Variants in AIRE observed in about 807,000 individuals in gnomAD.
AIRE encodes autoimmune regulator.
A neutral mutation model predicts 62.1 loss-of-function variants in AIRE; 52 were observed. The observed-to-expected ratio is 0.84, with a 90% CI of 0.67 to 1.06. The LOEUF (loss-of-function observed/expected upper bound fraction) is 1.06. AIRE is among the 50% of genes least tolerant of loss of function. The pLI is 0.00. For missense variants in AIRE, 774 were observed against 755.8 expected (o/e 1.02, Z -0.28); for synonymous variants, 342 against 321.6 (o/e 1.06, Z -0.68).
Position 44,294,349 on chromosome 21 carries a change from G to GGC in AIRE, c.1401-52_1401-51insGC. 2.3e-6 allele frequency: 3 copies of GGC among 1,287,540 alleles called. No individual in the cohort carries two copies. The African/African-American group carries it at 4.5e-5, about 19-fold the overall frequency. The allele number at this position is 1,287,540 out of a possible 1,614,324, so 79.8% of individuals were successfully genotyped here. On this transcript the variant is annotated intron_variant, in intron 11 of 13. Coordinates refer to ENST00000291582, the MANE Select transcript of AIRE (RefSeq NM_000383.4). ...ACACCCCACACCCCATACCCCGGAG[G>GGC]TGGCACTCCTGCTCCCCCCCAGGGC... is the stretch of plus-strand genomic sequence containing the variant.
chr21:44,286,480 C>A lies in AIRE; in HGVS notation c.133-77C>A. On this transcript the variant is annotated intron_variant, in intron 1 of 13. Transcript: ENST00000291582. The surrounding 1 kb of genome is among the most constrained non-coding windows in gnomAD (Gnocchi z 6.0). ...AGCGCCTCTGCCTGGGAGCTCCACCCTCTAGTCATGATGGAGATGGGCAGG... is the reference window on the plus strand; with the variant it reads ...AGCGCCTCTGCCTGGGAGCTCCACCATCTAGTCATGATGGAGATGGGCAGG... 6.7e-7 allele frequency: 1 copy of A among 1,485,368 alleles called. No homozygotes were observed. 92.0% of individuals were successfully genotyped at this position (1,485,368 alleles called of 1,614,324 possible).
chr21:44,293,962 C>A (rs1280366990), intron 11 of AIRE, 52 bp downstream of exon 11: 8 of 1,575,452 alleles, frequency 5.1e-6, no homozygotes, highest in Non-Finnish European at 6.8e-6. Flanking sequence ...ACACCCTACA[C>A]CCCACCCCAC....
chr21:44,289,488 C>CTCGGTGGTCGCCGTGT, intron 5 of AIRE, 169 bp from the exon 6 acceptor site: 1 of 832,430 alleles, frequency 1.2e-6, no homozygotes, highest in Non-Finnish European at 1.9e-6. Flanking sequence ...TGGTGTAGAT[C>CTCGGTGGTCGCCGTGT]CAGGACAATC....
rs75809937 is a variant in AIRE, at chr21:44,288,690, G to A, written c.652+232G>A. ...GCGGTCCAGGCCCACATCCCCACCC[G>A]GGATGTACAGCACTCCCCAGTCACC... On this transcript the variant is annotated intron_variant, in intron 5 of 13. Coordinates refer to ENST00000291582, the MANE Select transcript of AIRE (RefSeq NM_000383.4). 3.9e-3 allele frequency: 2,084 copies of A among 541,260 alleles called. 14 individuals are homozygous for A. Among genetic ancestry groups the A allele is most frequent in the Non-Finnish European group, 5.6e-3 (1,670 of 300,006 alleles). 33.5% of individuals were successfully genotyped at this position (541,260 alleles called of 1,614,324 possible). A position where few individuals can be genotyped will look rare whatever the true frequency, so the allele number is the denominator to read the frequency against.
rs977198433 is a variant in AIRE at position 44,290,190 on chromosome 21, A to G, written c.879+122A>G. 11 of 1,527,006 alleles carry G rather than the reference A, an allele frequency of 7.2e-6. No individual in the cohort carries two copies. In the African/African-American group the frequency reaches 1.5e-4, roughly 21 times the overall value. 94.6% of individuals were successfully genotyped at this position (1,527,006 alleles called of 1,614,324 possible). The stretch of plus-strand genomic sequence containing the variant: ...CACCGGGGCCTGAGCCCCTACCCAC[A>G]GGGTACAGCTCTTTTTCTTTAATAG... On this transcript the variant is annotated intron_variant, in intron 7 of 13. Coordinates refer to ENST00000291582, the MANE Select transcript of AIRE (RefSeq NM_000383.4).
rs767340745 is a variant in AIRE at position 44,290,002 on chromosome 21, T to C, written c.813T>C (p.Ala271=). The change falls in exon 7 of 14, where the codon GCT becomes GCC. Residue 271 remains alanine, a synonymous_variant. Coordinates refer to ENST00000291582, the MANE Select transcript of AIRE (RefSeq NM_000383.4). The part of the protein sequence containing the change: ...AQGAAPGGGE[A]RLGQQGSVPA... ...CTTCCTTGCAGGGTGGAGGTGAGGC[T>C]AGGCTGGGCCAGCAGGGCAGCGTTC... The C allele has an allele frequency of 6.2e-7, 1 of 1,610,974 alleles. No individual in the cohort carries two copies. The highest frequency in any genetic ancestry group is 1.7e-5 in the Admixed American group (1 of 59,794).
At position 44,286,894 on chromosome 21, in the gene AIRE, G is replaced by T; in HGVS notation, c.308-84G>T. 5 of 1,599,074 alleles carry T rather than the reference G, an allele frequency of 3.1e-6. No homozygotes were observed. Among genetic ancestry groups the T allele is most frequent in the Non-Finnish European group, 4.3e-6 (5 of 1,169,058 alleles). The stretch of plus-strand genomic sequence containing the variant: ...CAAAGGGGCCAGGCCTCACCTGTCT[G>T]GCCAAGGTGTCCAGTTCTGGGGCCC... On this transcript the variant is annotated intron_variant, in intron 2 of 13. Coordinates refer to ENST00000291582, the MANE Select transcript of AIRE (RefSeq NM_000383.4). This position sits in a 1 kb window ranked among gnomAD's most constrained non-coding sequence, Gnocchi z 6.0.
At chr21:44,290,200 T>A in intron 7 of AIRE, 132 bp downstream of exon 7, 12 of 1,505,114 alleles carry the variant, frequency 8.0e-6, no homozygotes, top group Non-Finnish European at 1.1e-5. Context: ...AGGGTACAGC[T>A]CTTTTTCTTT....
Position 44,290,782 on chromosome 21 carries a change from C to T in AIRE, c.880-313C>T, listed in dbSNP as rs202000638. On this transcript the variant is annotated intron_variant, in intron 7 of 13. Transcript: ENST00000291582. Reference sequence around the variant, plus strand: ...CGGGAGAGACCTCCCTGGGCCTGGCCCCACTGCCCTGTGAGGAAGGGTTCA... The same window carrying T: ...CGGGAGAGACCTCCCTGGGCCTGGCTCCACTGCCCTGTGAGGAAGGGTTCA... 183 of 1,487,750 alleles carry T rather than the reference C, an allele frequency of 1.2e-4. No individual in the cohort carries two copies. The East Asian group carries it at 4.9e-3, about 40-fold the overall frequency. 92.2% of individuals were successfully genotyped at this position (1,487,750 alleles called of 1,614,324 possible). A position where few individuals can be genotyped will look rare whatever the true frequency, so the allele number is the denominator to read the frequency against.
intron 9 of AIRE, among the ~76,000 whole-genome samples, 190 bp from the exon 10 acceptor site, chr21:44,292,803 A>T (rs2040556468): frequency 6.6e-6 from 1 of 152,054 alleles, no homozygotes; most frequent in African/African-American, 2.4e-5. Flanking sequence ...AGGACCACAG[A>T]GCCAGGAAGT....
intron 10 of AIRE, among the ~76,000 whole-genome samples, 161 bp downstream of exon 10, chr21:44,293,336 A>C (rs2040564482): frequency 6.7e-6 from 1 of 149,820 alleles, no homozygotes. Flanking sequence ...CTGCGGGGGG[A>C]AGGGGACGCT....
intron 8 of AIRE, 115 bp from the exon 9 acceptor site, chr21:44,292,187 G>A (rs1018173174): frequency 1.8e-5 from 15 of 831,724 alleles, no homozygotes; most frequent in East Asian, 8.0e-5. Context: ...GCTGTGCCTC[G>A]GTTCCCCCTC....
chr21:44,293,342 A>C (rs2040564557), intron 10 of AIRE, among the ~76,000 whole-genome samples, 167 bp downstream of exon 10: 1 of 150,764 alleles, frequency 6.6e-6, no homozygotes, highest in Non-Finnish European at 1.5e-5. Flanking sequence ...GGGGAAGGGG[A>C]CGCTCCTAGA....
At chr21:44,294,032 C>T (rs1245691088) in intron 11 of AIRE, 122 bp downstream of exon 11, 18 of 1,329,618 alleles carry the variant, frequency 1.4e-5, no homozygotes, top group Non-Finnish European at 1.8e-5. Context: ...ACACTCCCAC[C>T]CACACCTTGC....
chr21:44,293,731 G>C, intron 10 of AIRE, 58 bp from the exon 11 acceptor site: 1 of 1,593,306 alleles, frequency 6.3e-7, no homozygotes, highest in Non-Finnish European at 8.5e-7. Flanking sequence ...GCTCGGGTTC[G>C]GGTTCAGCTA....
In AIRE at chr21:44,286,123, C is replaced by T. The variant is rs1033297636; in HGVS notation, c.117C>T (p.Pro39=). ...CGCTGGCTGACCACGACGTGGTCCC[C>T]GAGGACAAGTTTCAGGTGGGCTCCC... ...LHALADHDVV[P]EDKFQETLHL... The change falls in exon 1 of 14, where the codon CCC becomes CCT. Residue 39 remains proline (P), a synonymous_variant. Coordinates refer to ENST00000291582, the MANE Select transcript of AIRE (RefSeq NM_000383.4). The surrounding 1 kb of genome is among the most constrained non-coding windows in gnomAD (Gnocchi z 6.0). The T allele has an allele frequency of 1.3e-5, 20 of 1,547,126 alleles. No individual in the cohort carries two copies. Among genetic ancestry groups the T allele is most frequent in the Non-Finnish European group, 1.7e-5 (20 of 1,146,532 alleles).
chr21:44,292,962 T>C (rs750500741), intron 9 of AIRE, 31 bp from the exon 10 acceptor site: 1 of 1,606,630 alleles, frequency 6.2e-7, no homozygotes, highest in Non-Finnish European at 8.5e-7. Flanking sequence ...AGGCGCCCGC[T>C]GCCCCTCTGA....
intron 13 of AIRE, among the ~76,000 whole-genome samples, chr21:44,296,835 G>T (rs1056412588): frequency 3.3e-5 from 5 of 152,098 alleles, no homozygotes; most frequent in Admixed American, 1.3e-4. Context: ...GTGGGGGGGG[G>T]GTCCCAGACC....
intron 11 of AIRE, 34 bp from the exon 12 acceptor site, chr21:44,294,367 C>T (rs534649469): frequency 7.5e-6 from 11 of 1,472,052 alleles, no homozygotes; most frequent in African/African-American, 7.0e-5. Flanking sequence ...CCTGCTCCCC[C>T]CCAGGGCTGG....
Sources: gnomAD v4.1 joint callset for allele counts (sites outside exome capture counted in the v4.1 genomes callset) on GRCh38, gnomAD v4.1.1 for gene constraint, Gnocchi (gnomAD v3.1) non-coding constraint, MANE v1.5 for transcripts, NCBI Gene and HGNC (gene_info 2026-07-23, HGNC 2026-07-21) for gene names.